UNK: variants seen among roughly 807,000 people sequenced by gnomAD.
UNK encodes RING finger protein unkempt homolog.
Under a neutral mutation model 97.6 loss-of-function variants are expected in UNK, and 32 were observed. That is an observed-to-expected ratio of 0.33 (90% CI 0.25 to 0.44). UNK has a LOEUF of 0.44. Ranked by LOEUF, UNK falls within the 20% of genes least tolerant of loss-of-function variation. The probability of loss-of-function intolerance (pLI) is 1.00; values close to 1 mark genes in which losing one functional copy is unlikely to be tolerated. For missense variants in UNK, 771 were observed against 1,098.4 expected, an observed-to-expected ratio of 0.70 and a Z score of 4.21; for synonymous variants, 441 against 461.2, an observed-to-expected ratio of 0.96 and a Z score of 0.56.
At chr17:75,814,953 A>G (rs1466364010) in intron 6 of UNK, among the ~76,000 whole-genome samples, 2 of 152,158 alleles carry the variant, frequency 1.3e-5, no homozygotes, top group African/African-American at 4.8e-5. Context: ...CTGTGGCCCC[A>G]GAACGGAGGC....
chr17:75,787,552 G>T (rs2143659493), intron 1 of UNK, among the ~76,000 whole-genome samples: 1 of 150,542 alleles, frequency 6.6e-6, no homozygotes, highest in African/African-American at 2.4e-5. Context: ...TGGGCAGGGT[G>T]CGGTTGCTCA....
At chr17:75,803,569 T>C (rs1045582595) in intron 1 of UNK, among the ~76,000 whole-genome samples, 4 of 152,180 alleles carry the variant, frequency 2.6e-5, no homozygotes, top group Non-Finnish European at 4.4e-5. Context: ...ACAAAACTTG[T>C]GAAAATGTAA....
chr17:75,821,336 G>A lies in UNK; in HGVS notation c.1838-1141G>A, dbSNP rs1250007440. 2.8e-5 allele frequency: 13 copies of A among 456,200 alleles called. No homozygotes were observed. The East Asian group carries it at 7.6e-4, about 27-fold the overall frequency. 28.3% of individuals were successfully genotyped at this position (456,200 alleles called of 1,614,324 possible). A position where few individuals can be genotyped will look rare whatever the true frequency, so the allele number is the denominator to read the frequency against. The stretch of plus-strand genomic sequence containing the variant: ...GTGCAACAGTCCCTGCTGTCCAGCA[G>A]CTGTGGCCAGTGTGGGAAGCAGAGG... On this transcript the variant is annotated intron_variant, in intron 13 of 15. Transcript: ENST00000589666.
At chr17:75,803,799 G>T (rs2061885612) in intron 1 of UNK, among the ~76,000 whole-genome samples, 1 of 152,118 alleles carries the variant, frequency 6.6e-6, no homozygotes, top group Non-Finnish European at 1.5e-5. Context: ...TCAACTTTTT[G>T]AGCTCAGGGC....
intron 1 of UNK, among the ~76,000 whole-genome samples, chr17:75,804,973 C>T (rs927632819): frequency 2.0e-5 from 3 of 151,592 alleles, no homozygotes; most frequent in Non-Finnish European, 4.4e-5. Flanking sequence ...GCGGGTGGAT[C>T]ACGAGGTCAG....
At chr17:75,790,353 T>C (rs963864937) in intron 1 of UNK, among the ~76,000 whole-genome samples, 11 of 151,712 alleles carry the variant, frequency 7.3e-5, no homozygotes, top group Non-Finnish European at 1.2e-4. Flanking sequence ...ATCTGAAATA[T>C]CCAGCTGGGT....
chr17:75,786,916 T>C (rs1434908104), intron 1 of UNK, among the ~76,000 whole-genome samples: 2 of 152,158 alleles, frequency 1.3e-5, no homozygotes, highest in Admixed American at 1.3e-4. Context: ...TGGGTAAGTA[T>C]AGAGTAATGG....
In UNK at chr17:75,818,827, C is replaced by T; in HGVS notation, c.1546+11C>T. 1 of 1,578,520 alleles carries T rather than the reference C, an allele frequency of 6.3e-7. No homozygotes were observed. The highest frequency in any genetic ancestry group is 8.6e-7 in the Non-Finnish European group (1 of 1,160,226). ...TAGAGTCAGTCATAGGTAACTAGGC[C>T]ATTTCTGTTTGAAAGCCCAGGACTG... On this transcript the variant is annotated intron_variant, in intron 11 of 15. Transcript: ENST00000589666. The surrounding 1 kb of genome is among the most constrained non-coding windows in gnomAD (Gnocchi z 5.1).
chr17:75,818,905 C>CCAGA lies in UNK; in HGVS notation c.1546+91_1546+94dup. On this transcript the variant is annotated intron_variant, in intron 11 of 15. Coordinates refer to ENST00000589666, the MANE Select transcript of UNK (RefSeq NM_001080419.3). The surrounding 1 kb of genome is among the most constrained non-coding windows in gnomAD (Gnocchi z 5.1). ...CTGAAGCGAGTCTCAAATCAGCACACCAGACCCCTTAGACATCTGTCTTCG... is the reference window on the plus strand; with the variant it reads ...CTGAAGCGAGTCTCAAATCAGCACACCAGACAGACCCCTTAGACATCTGTCTTCG... 7.2e-7 allele frequency: 1 copy of CCAGA among 1,382,050 alleles called. No individual in the cohort carries two copies. The highest frequency in any genetic ancestry group is 9.6e-7 in the Non-Finnish European group (1 of 1,043,556). The allele number at this position is 1,382,050 out of a possible 1,614,324, so 85.6% of individuals were successfully genotyped here.
chr17:75,813,971 G>A, intron 6 of UNK, 93 bp downstream of exon 6: 1 of 1,157,966 alleles, frequency 8.6e-7, no homozygotes, highest in Non-Finnish European at 1.2e-6. Flanking sequence ...CCATCCTGAT[G>A]CCATCCTGGA....
intron 1 of UNK, among the ~76,000 whole-genome samples, chr17:75,795,429 TC>T (rs1194959864): frequency 6.6e-6 from 1 of 151,952 alleles, no homozygotes; most frequent in East Asian, 1.9e-4. Flanking sequence ...AACCTCCGCC[TC>T]CCGGGTTCAA....
chr17:75,817,458 A>T lies in UNK; in HGVS notation c.1237A>T (p.Lys413Ter), dbSNP rs1261523466. Residue 413 changes from lysine to a stop codon, truncating the protein, a stop_gained, in exon 9 of 16, where the codon AAG becomes TAG. Coordinates refer to ENST00000589666, the MANE Select transcript of UNK (RefSeq NM_001080419.3). LOFTEE classifies it high-confidence loss of function. This position sits in a 1 kb window ranked among gnomAD's most constrained non-coding sequence, Gnocchi z 5.8. ...GESGLAPGSY[K>*]KAPGFEREDQ... ...GTCTGGCCTGGCCCCTGGCAGCTATAAGAAGGCTCCCGGCTTCGAGAGGGA... is the reference window on the plus strand; with the variant it reads ...GTCTGGCCTGGCCCCTGGCAGCTATTAGAAGGCTCCCGGCTTCGAGAGGGA... 6.2e-7 allele frequency: 1 copy of T among 1,613,266 alleles called. No individual in the cohort carries two copies. Among genetic ancestry groups the T allele is most frequent in the Non-Finnish European group, 8.5e-7 (1 of 1,179,576 alleles).
At chr17:75,787,860 T>A (rs1041239651) in intron 1 of UNK, among the ~76,000 whole-genome samples, 9 of 151,228 alleles carry the variant, frequency 6.0e-5, no homozygotes, top group African/African-American at 2.2e-4. Context: ...TCTCTCTGTG[T>A]TAACCAGGTG....
intron 1 of UNK, among the ~76,000 whole-genome samples, chr17:75,807,053 G>A (rs2143757149): frequency 6.6e-6 from 1 of 152,292 alleles, no homozygotes; most frequent in South Asian, 2.1e-4. Context: ...AAGTCAGCAG[G>A]CTCACCAGGT....
chr17:75,797,316 A>AT (rs1436899354), intron 1 of UNK, among the ~76,000 whole-genome samples: 1 of 152,024 alleles, frequency 6.6e-6, no homozygotes, highest in Non-Finnish European at 1.5e-5. Context: ...GCTCACTACA[A>AT]CCTCTGCCTC....
chr17:75,815,522 C>A (rs1366209360), intron 7 of UNK, among the ~76,000 whole-genome samples: 1 of 152,202 alleles, frequency 6.6e-6, no homozygotes, highest in Admixed American at 6.5e-5. Context: ...AGGGTTGAGG[C>A]ACTGTGCCTC....
intron 1 of UNK, among the ~76,000 whole-genome samples, chr17:75,803,754 C>T (rs1051460271): frequency 1.3e-5 from 2 of 152,178 alleles, no homozygotes; most frequent in Admixed American, 6.5e-5. Context: ...CCCTGCCGCG[C>T]AGTAGTTTGA....
At chr17:75,800,212 G>A (rs1049544681) in intron 1 of UNK, among the ~76,000 whole-genome samples, 2 of 151,964 alleles carry the variant, frequency 1.3e-5, no homozygotes, top group Non-Finnish European at 2.9e-5. Context: ...GGGACTATAG[G>A]TGTGCACCAC....
At position 75,818,568 on chromosome 17, in the gene UNK, C is replaced by T; in HGVS notation, c.1372-74C>T. On this transcript the variant is annotated intron_variant, in intron 10 of 15. Transcript: ENST00000589666. The surrounding 1 kb of genome is among the most constrained non-coding windows in gnomAD (Gnocchi z 5.1). ...ACGGGCCATTTCCCTTGCCCCCAGC[C>T]CCTCTCCAGCCTCTCGTCCTGGCCT... 2.7e-6 allele frequency: 4 copies of T among 1,492,224 alleles called. No individual in the cohort carries two copies. The highest frequency in any genetic ancestry group is 2.6e-5 in the South Asian group (2 of 75,986). The allele number at this position is 1,492,224 out of a possible 1,614,324, so 92.4% of individuals were successfully genotyped here.
Sources: allele counts gnomAD v4.1 joint callset (sites outside exome capture counted in the v4.1 genomes callset), GRCh38; gene constraint gnomAD v4.1.1; non-coding constraint Gnocchi (gnomAD v3.1); transcripts MANE v1.5; gene names NCBI Gene and HGNC (gene_info 2026-07-23, HGNC 2026-07-21).